CRYBG3: variants seen among roughly 807,000 people sequenced by gnomAD.
The protein encoded by CRYBG3 is crystallin beta-gamma domain containing 3.
CRYBG3 carries 127 observed loss-of-function variants against 244.2 expected under a neutral mutation model. That is an observed-to-expected ratio of 0.52 (90% CI 0.45 to 0.60). The LOEUF (loss-of-function observed/expected upper bound fraction) is 0.60. Ranked by LOEUF, CRYBG3 falls within the 20% of genes least tolerant of loss-of-function variation. The pLI is 0.00. For synonymous variants in CRYBG3, 1,132 were observed against 1,195.8 expected, an observed-to-expected ratio of 0.95 and a Z score of 1.10; for missense variants, 3,325 against 3,442.5, an observed-to-expected ratio of 0.97 and a Z score of 0.85.
intron 11 of CRYBG3, among the ~76,000 whole-genome samples, chr3:97,894,678 A>G (rs971311032): frequency 6.6e-6 from 1 of 152,152 alleles, no homozygotes; most frequent in Non-Finnish European, 1.5e-5. Flanking sequence ...TTGATCCTTT[A>G]AGGTCTTTTA....
intron 1 of CRYBG3, among the ~76,000 whole-genome samples, chr3:97,832,964 A>C (rs140324961): frequency 1.3e-5 from 2 of 152,220 alleles, no homozygotes; most frequent in African/African-American, 2.4e-5. Flanking sequence ...ATATGAAAAA[A>C]AGCTCATCAT....
chr3:97,937,278 A>G (rs116206093), intron 19 of CRYBG3, among the ~76,000 whole-genome samples: 1 of 152,042 alleles, frequency 6.6e-6, no homozygotes, highest in African/African-American at 2.4e-5. Context: ...GGATCCTGGC[A>G]ATTTAATTAA....
At chr3:97,891,796 G>C (rs961722299) in intron 10 of CRYBG3, among the ~76,000 whole-genome samples, 7 of 152,168 alleles carry the variant, frequency 4.6e-5, no homozygotes, top group African/African-American at 1.7e-4. Flanking sequence ...TTTGAGGAGA[G>C]AAATGAATGG....
At chr3:97,832,650 T>C (rs1450304829) in intron 1 of CRYBG3, among the ~76,000 whole-genome samples, 1 of 152,060 alleles carries the variant, frequency 6.6e-6, no homozygotes, top group Non-Finnish European at 1.5e-5. Flanking sequence ...ATTCAGGACA[T>C]AGACATGGAC....
chr3:97,849,118 G>T (rs1217090467), intron 2 of CRYBG3, among the ~76,000 whole-genome samples: 6 of 152,186 alleles, frequency 3.9e-5, no homozygotes. Context: ...CTGGTTTATT[G>T]ATCTGTAGTA....
At chr3:97,833,721 T>TA (rs1372267447) in intron 1 of CRYBG3, among the ~76,000 whole-genome samples, 7 of 152,012 alleles carry the variant, frequency 4.6e-5, no homozygotes, top group Admixed American at 3.3e-4. Context: ...AGTATAATAA[T>TA]AAAAAAAATT....
intron 1 of CRYBG3, among the ~76,000 whole-genome samples, chr3:97,833,498 T>C (rs2108157783): frequency 6.6e-6 from 1 of 152,038 alleles, no homozygotes; most frequent in East Asian, 1.9e-4. Flanking sequence ...TACTCATAAG[T>C]GGGAGTTGAA....
At chr3:97,918,303 G>A (rs2039948712) in intron 17 of CRYBG3, among the ~76,000 whole-genome samples, 1 of 152,174 alleles carries the variant, frequency 6.6e-6, no homozygotes, top group Admixed American at 6.5e-5. Context: ...AACTTCTGTT[G>A]GTACAGGTGA....
At chr3:97,850,478 C>G (rs574485507) in intron 2 of CRYBG3, among the ~76,000 whole-genome samples, 1 of 152,242 alleles carries the variant, frequency 6.6e-6, no homozygotes, top group East Asian at 1.9e-4. Flanking sequence ...AAAATTTTAG[C>G]TTTTAAAATA....
intron 15 of CRYBG3, among the ~76,000 whole-genome samples, chr3:97,906,108 C>G (rs2039771637): frequency 1.3e-5 from 2 of 148,926 alleles, no homozygotes; most frequent in Admixed American, 6.7e-5. Context: ...ATCTATATCT[C>G]TGTTTTGGTA....
chr3:97,870,416 C>G (rs2039288103), intron 3 of CRYBG3, among the ~76,000 whole-genome samples: 1 of 152,088 alleles, frequency 6.6e-6, no homozygotes, highest in South Asian at 2.1e-4. Flanking sequence ...TGTGTTAATT[C>G]ACTTAGGATA....
intron 2 of CRYBG3, among the ~76,000 whole-genome samples, chr3:97,849,438 T>TAAAAAAAA (rs149006625): frequency 1.4e-5 from 2 of 146,222 alleles, no homozygotes; most frequent in African/African-American, 5.0e-5. Flanking sequence ...TGATTGCTTC[T>TAAAAAAAA]AAAAAAAAAA....
intron 2 of CRYBG3, among the ~76,000 whole-genome samples, chr3:97,851,589 C>T (rs2038986248): frequency 1.3e-5 from 2 of 152,206 alleles, no homozygotes; most frequent in South Asian, 4.2e-4. Flanking sequence ...TGCAAAGATA[C>T]ACAGTAGTGT....
At chr3:97,863,820 TC>T (rs774077722) in intron 2 of CRYBG3, among the ~76,000 whole-genome samples, 1 of 152,094 alleles carries the variant, frequency 6.6e-6, no homozygotes, top group Non-Finnish European at 1.5e-5. Flanking sequence ...CATATTAAAC[TC>T]CCTTAGGAGC....
chr3:97,873,750 T>A lies in CRYBG3; in HGVS notation c.2556T>A (p.Ser852=), dbSNP rs1405932291. The A allele has an allele frequency of 2.0e-6, 3 of 1,535,636 alleles. No homozygotes were observed. The highest frequency in any genetic ancestry group is 2.4e-5 in the South Asian group (2 of 83,930). ...SLSKVEPRNI[S]QDKMSSFPLK... ...CAAAAGTGGAGCCCAGAAACATTTC[T>A]CAGGATAAAATGTCTTCTTTTCCAT... Residue 852 remains serine, a synonymous_variant, in exon 4 of 22, where the codon TCT becomes TCA. Coordinates refer to ENST00000389622, the MANE Select transcript of CRYBG3 (RefSeq NM_153605.4).
chr3:97,873,119 CTCTT>C lies in CRYBG3; in HGVS notation c.1926_1929del (p.Leu643AlafsTer7). The C allele has an allele frequency of 6.5e-7, 1 of 1,535,456 alleles. No homozygotes were observed. Among genetic ancestry groups the C allele is most frequent in the Middle Eastern group, 1.7e-4 (1 of 5,988 alleles). On this transcript the variant is annotated frameshift_variant, in exon 4 of 22. Transcript: ENST00000389622. LOFTEE classifies it high-confidence loss of function. ...GAAGTATCACCTGATGCTAAAACAT[CTCTT>C]AGCCTTGACTGTAAAAAACTAAATT...
intron 8 of CRYBG3, among the ~76,000 whole-genome samples, chr3:97,887,170 G>A (rs1167226065): frequency 6.6e-6 from 1 of 152,136 alleles, no homozygotes; most frequent in East Asian, 1.9e-4. Context: ...AAGGCAGATG[G>A]TGTTACTCTC....
intron 19 of CRYBG3, among the ~76,000 whole-genome samples, chr3:97,939,947 A>G (rs2040206857): frequency 6.6e-6 from 1 of 152,022 alleles, no homozygotes; most frequent in South Asian, 2.1e-4. Context: ...ACGTTGATCT[A>G]TCAAGTTTCA....
At chr3:97,882,335 CT>C in intron 7 of CRYBG3, among the ~76,000 whole-genome samples, 1 of 151,970 alleles carries the variant, frequency 6.6e-6, no homozygotes, top group South Asian at 2.1e-4. Context: ...CCAGATATAT[CT>C]TTTTCTAGTG....
Sources: allele counts gnomAD v4.1 joint callset (sites outside exome capture counted in the v4.1 genomes callset), GRCh38; gene constraint gnomAD v4.1.1; transcripts MANE v1.5; gene names NCBI Gene and HGNC (gene_info 2026-07-23, HGNC 2026-07-21).